The following PMF1 variants were observed in gnomAD, a reference collection of about 807,000 sequenced individuals.
The protein encoded by PMF1 is polyamine-modulated factor 1.
A neutral mutation model predicts 26.7 loss-of-function variants in PMF1; 21 were observed. The observed-to-expected ratio is 0.79, with a 90% CI of 0.56 to 1.13. The LOEUF (loss-of-function observed/expected upper bound fraction) is 1.13, where lower values mean the gene tolerates loss of function less well. PMF1 is among the 50% of genes most tolerant of loss of function. PMF1 has a pLI of 0.00. For synonymous variants in PMF1, 105 were observed against 101.0 expected, an observed-to-expected ratio of 1.04 and a Z score of -0.24; for missense variants, 266 against 254.9, an observed-to-expected ratio of 1.04 and a Z score of -0.30.
intron 1 of PMF1, among the ~76,000 whole-genome samples, chr1:156,225,066 A>G (rs189270422): frequency 2.6e-5 from 4 of 151,886 alleles, no homozygotes; most frequent in Non-Finnish European, 4.4e-5. Flanking sequence ...CGCCCTGCTA[A>G]TTTTTGTATT....
chr1:156,220,150 G>C (rs1658004971), intron 1 of PMF1, among the ~76,000 whole-genome samples: 1 of 152,008 alleles, frequency 6.6e-6, no homozygotes, highest in Non-Finnish European at 1.5e-5. Flanking sequence ...ATTTTTAGCA[G>C]AGACGGGGTT....
chr1:156,217,971 C>T (rs146662365), intron 1 of PMF1, among the ~76,000 whole-genome samples: 4 of 152,236 alleles, frequency 2.6e-5, no homozygotes, highest in Non-Finnish European at 5.9e-5. Flanking sequence ...TTTACACCTA[C>T]CTCTGTTCCA....
At position 156,236,435 on chromosome 1, in the gene PMF1, G is replaced by T. The variant is rs367865962; in HGVS notation, c.516G>T (p.Gln172His). 1.7e-5 allele frequency: 27 copies of T among 1,613,988 alleles called. No individual in the cohort carries two copies. Among genetic ancestry groups the T allele is most frequent in the Non-Finnish European group, 2.0e-5 (24 of 1,179,980 alleles). Residue 172 changes from glutamine to histidine, a missense_variant, in exon 4 of 5, where the codon CAG becomes CAT. Gln to His is a conservative substitution (Grantham distance 24). Transcript: ENST00000368277. The stretch of plus-strand genomic sequence containing the variant: ...ATGCCGTCCTGGCAGGGCGGAGGCA[G>T]GTGGAGGAGCTGCAGCTACAGGTCC... ...LADAVLAGRR[Q>H]VEELQLQVQA...
At chr1:156,239,479 G>A (rs1659226488) in intron 4 of PMF1, 69 bp from the exon 5 acceptor site, 2 of 1,292,774 alleles carry the variant, frequency 1.5e-6, no homozygotes, top group South Asian at 2.4e-5. Flanking sequence ...CTGGAGTCAG[G>A]GACAGTGGAG....
At chr1:156,234,906 G>A (rs1340330852) in intron 3 of PMF1, among the ~76,000 whole-genome samples, 1 of 152,076 alleles carries the variant, frequency 6.6e-6, no homozygotes, top group African/African-American at 2.4e-5. Flanking sequence ...CGGCTACCTG[G>A]TACACCAAGT....
chr1:156,233,176 C>T (rs115788293), intron 2 of PMF1, among the ~76,000 whole-genome samples: 452 of 152,088 alleles, frequency 3.0e-3, no homozygotes, highest in African/African-American at 0.01. Context: ...TTTTTTGAGG[C>T]AGAGTCTCAT....
intron 1 of PMF1, 103 bp from the exon 2 acceptor site, chr1:156,232,217 A>T: frequency 1.0e-6 from 1 of 974,092 alleles, no homozygotes; most frequent in Non-Finnish European, 1.6e-6. Context: ...CATGAAGTGG[A>T]CAGAGCTCAG....
At position 156,213,019 on chromosome 1, in the gene PMF1, G is replaced by A; in HGVS notation, c.4G>A (p.Ala2Thr). Reference sequence around the variant, plus strand: ...GATTTGGAGGTTCAACTTCAACATGGCCGAAGCAAGTAGCGCCAATCTAGG... The same window carrying A: ...GATTTGGAGGTTCAACTTCAACATGACCGAAGCAAGTAGCGCCAATCTAGG... Reference protein sequence around the residue: MAEASSANLGSG... With the variant: MTEASSANLGSG... Residue 2 changes from alanine to threonine, a missense_variant, in exon 1 of 5, where the codon GCC becomes ACC. Transcript: ENST00000368277. The A allele has an allele frequency of 6.2e-7, 1 of 1,614,198 alleles. No individual in the cohort carries two copies.
chr1:156,216,096 A>G (rs1657683049), intron 1 of PMF1, among the ~76,000 whole-genome samples: 1 of 152,158 alleles, frequency 6.6e-6, no homozygotes, highest in Non-Finnish European at 1.5e-5. Context: ...ACCATTAAAA[A>G]AAAATAAAAT....
intron 1 of PMF1, chr1:156,225,483 T>C (rs1289007042): frequency 1.5e-6 from 1 of 679,010 alleles, no homozygotes; most frequent in African/African-American, 1.8e-5. Context: ...GCAAAGTCCA[T>C]TGTACCATTC....
chr1:156,220,722 T>C (rs1658035318), intron 1 of PMF1: 1 of 152,182 alleles, frequency 6.6e-6, no homozygotes, highest in Non-Finnish European at 1.5e-5. Context: ...AGTGGCGTGA[T>C]CTCGGCTCAT....
Position 156,236,471 on chromosome 1 carries a change from G to T in PMF1, c.552G>T (p.Gln184His), listed in dbSNP as rs764484778. The T allele has an allele frequency of 1.2e-6, 2 of 1,609,572 alleles. No homozygotes were observed. The highest frequency in any genetic ancestry group is 1.3e-5 in the African/African-American group (1 of 74,834). ...EELQLQVQAQ[Q>H]QAWQALHREQ... ...TGCAGCTACAGGTCCAGGCCCAGCA[G>T]CAGGCCTGGCAGGTCAGTGTCCCAG... Residue 184 changes from glutamine to histidine, a missense_variant, in exon 4 of 5, where the codon CAG (glutamine) becomes CAT (histidine). Physicochemically the swap from Gln to His is conservative, Grantham distance 24 (BLOSUM62 0). Coordinates refer to ENST00000368277, the MANE Select transcript of PMF1 (RefSeq NM_007221.4).
At position 156,231,072 on chromosome 1, in the gene PMF1, C is replaced by T. The variant is rs367546364; in HGVS notation, c.162-1248C>T. Among the ~76,000 whole-genome samples the T allele has an allele frequency of 2.6e-4, 40 of 152,030 alleles. 1 individual carries two copies. The South Asian group carries it at 8.3e-3, about 32-fold the overall frequency. On this transcript the variant is annotated intron_variant, in intron 1 of 4. Coordinates refer to ENST00000368277, the MANE Select transcript of PMF1 (RefSeq NM_007221.4). ...TCTACTAAAAATACAGAAAAATTAG[C>T]TGGGCGTGGTGGTGGGCACCTGTAA... is the stretch of plus-strand genomic sequence containing the variant.
At chr1:156,238,280 C>A (rs986511070) in intron 4 of PMF1, among the ~76,000 whole-genome samples, 3 of 152,192 alleles carry the variant, frequency 2.0e-5, no homozygotes, top group African/African-American at 7.2e-5. Context: ...ATTTAAATAA[C>A]GTGTATATTA....
In PMF1 at chr1:156,239,817, T is replaced by C. The variant is rs1659245362; in HGVS notation, c.*216T>C. 5 of 525,294 alleles carry C rather than the reference T, an allele frequency of 9.5e-6. No homozygotes were observed. In the Admixed American group the frequency reaches 1.7e-4, roughly 18 times the overall value. 32.5% of individuals were successfully genotyped at this position (525,294 alleles called of 1,614,324 possible). A position where few individuals can be genotyped will look rare whatever the true frequency, so the allele number is the denominator to read the frequency against. ...TGGACATACACCCCCTTTAGATTCC[T>C]CTGTTTCTTCTACCTGGATAATTCT... On this transcript the variant is annotated 3_prime_UTR_variant, in exon 5 of 5. Transcript: ENST00000368277.
At position 156,222,705 on chromosome 1, in the gene PMF1, C is replaced by T. The variant is rs146984735; in HGVS notation, c.161+9529C>T. Among the ~76,000 whole-genome samples the T allele has an allele frequency of 4.5e-3, 677 of 151,244 alleles. 4 individuals are homozygous for T. The highest frequency in any genetic ancestry group is 0.015 in the African/African-American group (629 of 41,240). ...CCGAATACAGACTTTTAAGTAGAGACGGGGTTTCACCATGTTGGCCAGGCT... is the reference window on the plus strand; with the variant it reads ...CCGAATACAGACTTTTAAGTAGAGATGGGGTTTCACCATGTTGGCCAGGCT... On this transcript the variant is annotated intron_variant, in intron 1 of 4. Transcript: ENST00000368277.
intron 1 of PMF1, among the ~76,000 whole-genome samples, chr1:156,216,790 T>C (rs1217431149): frequency 1.3e-5 from 2 of 151,990 alleles, no homozygotes; most frequent in East Asian, 3.9e-4. Context: ...CCGCCGCCCC[T>C]TCCCCGGAGT....
chr1:156,236,561 T>C, intron 4 of PMF1, 78 bp downstream of exon 4: 1 of 1,501,734 alleles, frequency 6.7e-7, no homozygotes, highest in Non-Finnish European at 8.9e-7. Context: ...GCTTCCTCCA[T>C]TCCAACACAG....
Position 156,213,190 on chromosome 1 carries a change from A to T in PMF1, c.161+14A>T, listed in dbSNP as rs754462182. On this transcript the variant is annotated intron_variant, in intron 1 of 4. Coordinates refer to ENST00000368277, the MANE Select transcript of PMF1 (RefSeq NM_007221.4). Reference sequence around the variant, plus strand: ...CGCCGCCGGCAGGTAAAGTGGACGCAGCCGCGGTGGGAGTGTTTGTTGGCA... The same window carrying T: ...CGCCGCCGGCAGGTAAAGTGGACGCTGCCGCGGTGGGAGTGTTTGTTGGCA... 1 of 1,611,266 alleles carries T rather than the reference A, an allele frequency of 6.2e-7. No individual in the cohort carries two copies. The highest frequency in any genetic ancestry group is 8.5e-7 in the Non-Finnish European group (1 of 1,177,904).
Sources: allele counts gnomAD v4.1 joint callset (sites outside exome capture counted in the v4.1 genomes callset), GRCh38; gene constraint gnomAD v4.1.1; transcripts MANE v1.5; gene names NCBI Gene and HGNC (gene_info 2026-07-23, HGNC 2026-07-21).